NOX4: variants seen among roughly 807,000 people sequenced by gnomAD.
NOX4 encodes NADPH oxidase 4.
In NOX4, 69 loss-of-function variants were observed where a neutral mutation model predicts 87.6. The ratio of observed to expected loss-of-function variants is 0.79; its 90% CI spans 0.65 to 0.96. NOX4 has a LOEUF of 0.96. NOX4 is among the 40% of genes least tolerant of loss of function. The pLI, the probability that NOX4 is intolerant of heterozygous loss-of-function variation, is 0.00. For synonymous variants in NOX4, 275 were observed against 238.2 expected (o/e 1.15, Z -1.42); for missense variants, 680 against 681.5 (o/e 1.00, Z 0.02).
Position 89,451,837 on chromosome 11 carries a change from A to C in NOX4, c.212T>G (p.Ile71Ser). Reference sequence around the variant, plus strand: ...GAGTGTTCGGCACATGGGTAAAAGGATAAGGCTGCAGTTGAGGTTAAGAAC... The same window carrying C: ...GAGTGTTCGGCACATGGGTAAAAGGCTAAGGCTGCAGTTGAGGTTAAGAAC... Reference protein sequence around the residue: ...ASVLNLNCSLILLPMCRTLLA... With the variant: ...ASVLNLNCSLSLLPMCRTLLA... Residue 71 changes from isoleucine (I) to serine (S), a missense_variant, in exon 3 of 18, where the codon ATC becomes AGC. By Grantham distance (142) the Ile-to-Ser change is moderately radical. Coordinates refer to ENST00000263317, the MANE Select transcript of NOX4 (RefSeq NM_016931.5). 1 of 1,613,526 alleles carries C rather than the reference A, an allele frequency of 6.2e-7. No homozygotes were observed.
At chr11:89,429,694 G>T (rs1478650635) in intron 7 of NOX4, among the ~76,000 whole-genome samples, 2 of 152,014 alleles carry the variant, frequency 1.3e-5, no homozygotes, top group Non-Finnish European at 2.9e-5. Flanking sequence ...CCAATAACAG[G>T]CTCTGAAATT....
the NOX4 span, among the ~76,000 whole-genome samples, chr11:89,549,090 C>T: frequency 1.3e-5 from 2 of 152,170 alleles, no homozygotes; most frequent in South Asian, 2.1e-4. Flanking sequence ...AGGGAGCAAA[C>T]CAAAAGGCCC....
At chr11:89,539,511 C>A in the NOX4 span, among the ~76,000 whole-genome samples, 1 of 152,104 alleles carries the variant, frequency 6.6e-6, no homozygotes, top group South Asian at 2.1e-4. Flanking sequence ...TTATGGCAGA[C>A]CAAACTGACT....
chr11:89,359,089 CAACA>C (rs1186805612), intron 12 of NOX4, among the ~76,000 whole-genome samples: 10 of 152,142 alleles, frequency 6.6e-5, no homozygotes, highest in African/African-American at 2.4e-4. Context: ...CCCATTCAAT[CAACA>C]AAAAGATTAT....
chr11:89,341,415 G>T (rs1817702541), intron 14 of NOX4, among the ~76,000 whole-genome samples: 4 of 152,014 alleles, frequency 2.6e-5, no homozygotes, highest in African/African-American at 7.2e-5. Context: ...GAGCCAATGT[G>T]CCCGGCCACA....
At chr11:89,445,731 A>T (rs879277884) in intron 4 of NOX4, among the ~76,000 whole-genome samples, 1 of 152,142 alleles carries the variant, frequency 6.6e-6, no homozygotes, top group Non-Finnish European at 1.5e-5. Context: ...TGAATCAGAG[A>T]CCCAAATGTA....
chr11:89,390,138 C>T (rs879608435), intron 11 of NOX4, among the ~76,000 whole-genome samples: 1 of 151,998 alleles, frequency 6.6e-6, no homozygotes, highest in Non-Finnish European at 1.5e-5. Context: ...TTTCTAAGTG[C>T]CAAATAGAAG....
chr11:89,427,699 C>A (rs560721116), intron 7 of NOX4, among the ~76,000 whole-genome samples: 1 of 152,082 alleles, frequency 6.6e-6, no homozygotes, highest in African/African-American at 2.4e-5. Context: ...AACAAAGCCT[C>A]CAAGAATTAT....
chr11:89,509,628 T>A, the NOX4 span, among the ~76,000 whole-genome samples: 2 of 152,006 alleles, frequency 1.3e-5, no homozygotes, highest in Non-Finnish European at 2.9e-5. Flanking sequence ...GTTAATGAAT[T>A]TAAACTAAAT....
intron 4 of NOX4, among the ~76,000 whole-genome samples, chr11:89,448,680 G>T (rs551042300): frequency 6.6e-6 from 1 of 152,150 alleles, no homozygotes. Context: ...TCAGAAGTTC[G>T]AGATCAGCCT....
chr11:89,513,372 A>C, the NOX4 span, among the ~76,000 whole-genome samples: 1 of 151,982 alleles, frequency 6.6e-6, no homozygotes, highest in African/African-American at 2.4e-5. Flanking sequence ...CTTTGTCTTA[A>C]CTCACTAGAT....
intron 4 of NOX4, among the ~76,000 whole-genome samples, chr11:89,447,585 T>C (rs553709476): frequency 6.6e-6 from 1 of 152,182 alleles, no homozygotes; most frequent in East Asian, 1.9e-4. Context: ...TAAAGAAGGG[T>C]AATGTAGCCA....
chr11:89,488,961 C>T (rs1353604226), intron 2 of NOX4: 2 of 700,648 alleles, frequency 2.9e-6, no homozygotes, highest in Non-Finnish European at 5.2e-6. Context: ...TCTCTGGGTG[C>T]CCATCTGAAA....
chr11:89,523,453 A>T, the NOX4 span, among the ~76,000 whole-genome samples: 1 of 152,230 alleles, frequency 6.6e-6, no homozygotes, highest in Non-Finnish European at 1.5e-5. Flanking sequence ...AAAGGCTGGT[A>T]CAGAAACAGA....
chr11:89,371,012 C>A (rs1463220729), intron 12 of NOX4, among the ~76,000 whole-genome samples: 1 of 151,922 alleles, frequency 6.6e-6, no homozygotes, highest in African/African-American at 2.4e-5. Context: ...AAAAATAAAC[C>A]TTTGATATTC....
chr11:89,422,086 G>C (rs1943114494), intron 7 of NOX4, 104 bp from the exon 8 acceptor site: 2 of 598,464 alleles, frequency 3.3e-6, no homozygotes, highest in East Asian at 6.3e-5. Flanking sequence ...ATTTAAAAAA[G>C]CTAAAACATG....
intron 8 of NOX4, among the ~76,000 whole-genome samples, chr11:89,407,215 G>C (rs1232000982): frequency 6.6e-6 from 1 of 151,998 alleles, no homozygotes; most frequent in East Asian, 1.9e-4. Context: ...GAATCAAAAA[G>C]ACAGCATTCT....
chr11:89,505,990 G>C, the NOX4 span, among the ~76,000 whole-genome samples: 872 of 151,982 alleles, frequency 5.7e-3, 8 homozygotes, highest in African/African-American at 0.02. Flanking sequence ...ACTGTCTTGA[G>C]AGAGTTTCTA....
chr11:89,401,591 C>CG (rs1941859037), intron 9 of NOX4, among the ~76,000 whole-genome samples: 1 of 152,040 alleles, frequency 6.6e-6, no homozygotes, highest in Admixed American at 6.6e-5. Context: ...GTAATTTGCA[C>CG]GGGGGCAGTT....
Sources: gnomAD v4.1 joint callset for allele counts (sites outside exome capture counted in the v4.1 genomes callset) on GRCh38, gnomAD v4.1.1 for gene constraint, MANE v1.5 for transcripts, NCBI Gene and HGNC (gene_info 2026-07-23, HGNC 2026-07-21) for gene names.